Variants in NPAS3 observed in about 807,000 individuals in gnomAD.
The protein encoded by NPAS3 is neuronal PAS domain-containing protein 3.
NPAS3 carries 14 observed loss-of-function variants against 73.1 expected under a neutral mutation model. That is an observed-to-expected ratio of 0.19 (90% CI 0.13 to 0.30). NPAS3 has a LOEUF of 0.30. Among genes scored for constraint, NPAS3 ranks in the 10% least tolerant of loss-of-function variants. The probability of loss-of-function intolerance (pLI) is 1.00; values close to 1 mark genes in which losing one functional copy is unlikely to be tolerated. For missense variants in NPAS3, 1,096 were observed against 1,250.0 expected, an observed-to-expected ratio of 0.88 and a Z score of 1.86; for synonymous variants, 620 against 541.5, an observed-to-expected ratio of 1.14 and a Z score of -2.01.
chr14:33,411,353 T>G (rs1218125531), intron 4 of NPAS3, among the ~76,000 whole-genome samples: 3 of 152,040 alleles, frequency 2.0e-5, no homozygotes, highest in Admixed American at 6.5e-5. Flanking sequence ...CAGCTAATTT[T>G]TGTATTTTTA....
At chr14:33,105,816 A>G (rs2042707400) in intron 2 of NPAS3, among the ~76,000 whole-genome samples, 1 of 152,176 alleles carries the variant, frequency 6.6e-6, no homozygotes, top group Non-Finnish European at 1.5e-5. Context: ...TAGTTAAAAA[A>G]TGTCTGGTAA....
chr14:33,203,385 CAGTT>C (rs928988517), intron 2 of NPAS3, among the ~76,000 whole-genome samples: 3 of 151,678 alleles, frequency 2.0e-5, no homozygotes, highest in African/African-American at 7.3e-5. Flanking sequence ...CACAATGTGC[CAGTT>C]AGTTATGTAT....
intron 4 of NPAS3, among the ~76,000 whole-genome samples, chr14:33,372,486 G>A (rs2046134236): frequency 6.6e-6 from 1 of 152,254 alleles, no homozygotes; most frequent in South Asian, 2.1e-4. Context: ...GTATTACAAA[G>A]CCAATTTTCA....
chr14:32,940,405 G>A (rs1033028156), intron 1 of NPAS3, among the ~76,000 whole-genome samples: 1 of 152,220 alleles, frequency 6.6e-6, no homozygotes, highest in Non-Finnish European at 1.5e-5. Context: ...TGTCCACCCA[G>A]CCTACTTTCT....
chr14:33,550,194 GT>G (rs1410985903), intron 4 of NPAS3, among the ~76,000 whole-genome samples: 4 of 151,986 alleles, frequency 2.6e-5, no homozygotes, highest in African/African-American at 9.7e-5. Context: ...GGTTTGTTTT[GT>G]TTTGTTTGAG....
rs1026000796 is a variant in NPAS3, at chr14:33,417,797, G to A, written c.468+50529G>A. Among the ~76,000 whole-genome samples the A allele has an allele frequency of 3.3e-5, 5 of 151,820 alleles. No individual in the cohort carries two copies. In the South Asian group the frequency reaches 8.3e-4, roughly 25 times the overall value. On this transcript the variant is annotated intron_variant, in intron 4 of 11. Transcript: ENST00000356141. ...GAGGAGATCTCACTGAAATAAAAAG[G>A]AGCAGAAAGAGAAAGAAGCACTAAG...
intron 5 of NPAS3, among the ~76,000 whole-genome samples, chr14:33,659,287 C>T (rs917240621): frequency 5.3e-5 from 8 of 152,276 alleles, no homozygotes; most frequent in Middle Eastern, 3.4e-3. Flanking sequence ...ACAGAGGAAA[C>T]GCCAGAGTAA....
At chr14:33,318,997 G>T (rs1594680009) in intron 3 of NPAS3, among the ~76,000 whole-genome samples, 2 of 152,196 alleles carry the variant, frequency 1.3e-5, no homozygotes, top group East Asian at 3.9e-4. Context: ...ATTTAATATT[G>T]TTCATGGTAT....
chr14:33,477,718 C>T (rs1245140880), intron 4 of NPAS3, among the ~76,000 whole-genome samples: 1 of 152,170 alleles, frequency 6.6e-6, no homozygotes, highest in African/African-American at 2.4e-5. Flanking sequence ...TACAGCCCTT[C>T]AAGCCTCAGT....
At chr14:33,255,654 C>T (rs1287177834) in intron 3 of NPAS3, among the ~76,000 whole-genome samples, 1 of 152,114 alleles carries the variant, frequency 6.6e-6, no homozygotes, top group Non-Finnish European at 1.5e-5. Context: ...CCTGGTCTCA[C>T]CCTGTTATAG....
chr14:33,709,742 A>G (rs953884640), intron 6 of NPAS3, among the ~76,000 whole-genome samples: 2 of 152,204 alleles, frequency 1.3e-5, no homozygotes, highest in Non-Finnish European at 2.9e-5. Flanking sequence ...CAACTTCACC[A>G]TGGCTGTTCT....
intron 4 of NPAS3, among the ~76,000 whole-genome samples, chr14:33,518,580 C>T (rs1326399165): frequency 1.3e-5 from 2 of 149,644 alleles, no homozygotes; most frequent in South Asian, 2.1e-4. Context: ...CCAACATAAA[C>T]AGACATCAAG....
intron 4 of NPAS3, among the ~76,000 whole-genome samples, chr14:33,559,849 T>C (rs983059238): frequency 2.0e-5 from 3 of 151,994 alleles, no homozygotes; most frequent in Non-Finnish European, 1.5e-5. Context: ...TGAAACCCTG[T>C]CTCTACTAAA....
chr14:33,669,950 T>C (rs760621991), intron 5 of NPAS3, among the ~76,000 whole-genome samples: 3 of 152,074 alleles, frequency 2.0e-5, no homozygotes, highest in Non-Finnish European at 4.4e-5. Flanking sequence ...AGTCTCACTC[T>C]TGTCACCCAG....
intron 5 of NPAS3, among the ~76,000 whole-genome samples, chr14:33,666,247 C>A (rs1452214527): frequency 6.6e-6 from 1 of 152,184 alleles, no homozygotes; most frequent in Non-Finnish European, 1.5e-5. Context: ...GTGTAATACA[C>A]CACCCCTGCT....
chr14:33,622,831 A>AT (rs1054281930), intron 5 of NPAS3, among the ~76,000 whole-genome samples: 5 of 152,014 alleles, frequency 3.3e-5, no homozygotes, highest in East Asian at 1.9e-4. Context: ...CTCTGCAGAG[A>AT]TTTTTTTTCC....
intron 3 of NPAS3, among the ~76,000 whole-genome samples, chr14:33,360,708 T>C (rs959064713): frequency 1.3e-5 from 2 of 152,196 alleles, no homozygotes; most frequent in Non-Finnish European, 2.9e-5. Flanking sequence ...GACTGTGTAC[T>C]AACTACCATT....
At chr14:32,941,044 A>G (rs974407940) in intron 1 of NPAS3, among the ~76,000 whole-genome samples, 4 of 152,238 alleles carry the variant, frequency 2.6e-5, no homozygotes, top group Non-Finnish European at 1.5e-5. Flanking sequence ...CTTAAGAAGT[A>G]TCAGTGTTTC....
chr14:33,726,554 GC>G (rs1054964727), intron 6 of NPAS3, among the ~76,000 whole-genome samples: 30 of 152,202 alleles, frequency 2.0e-4, no homozygotes, highest in African/African-American at 6.7e-4. Flanking sequence ...TGTCAGAGAG[GC>G]CCTTGTGACC....
Sources: gnomAD v4.1 joint callset for allele counts (sites outside exome capture counted in the v4.1 genomes callset) on GRCh38, gnomAD v4.1.1 for gene constraint, MANE v1.5 for transcripts, NCBI Gene and HGNC (gene_info 2026-07-23, HGNC 2026-07-21) for gene names.